Variants in CORO7 observed in about 807,000 individuals in gnomAD.
CORO7 encodes the protein coronin 7.
A neutral mutation model predicts 126.6 loss-of-function variants in CORO7; 107 were observed. The ratio of observed to expected loss-of-function variants is 0.85; its 90% CI spans 0.72 to 0.99. The LOEUF (loss-of-function observed/expected upper bound fraction) is 0.99, where lower values mean the gene tolerates loss of function less well. Among genes scored for constraint, CORO7 ranks in the 50% least tolerant of loss-of-function variants. The pLI, the probability that CORO7 is intolerant of heterozygous loss-of-function variation, is 0.00. For missense variants in CORO7, 1,314 were observed against 1,255.8 expected, an observed-to-expected ratio of 1.05 and a Z score of -0.70; for synonymous variants, 603 against 536.8, an observed-to-expected ratio of 1.12 and a Z score of -1.70.
chr16:4,364,391 G>T lies in CORO7; in HGVS notation c.1160C>A (p.Pro387His). 6.6e-7 allele frequency: 1 copy of T among 1,511,100 alleles called. No homozygotes were observed. 93.6% of individuals were successfully genotyped at this position (1,511,100 alleles called of 1,614,324 possible). ...NQQVQKVSLN[P>H]ACRPHPSFTS... The stretch of plus-strand genomic sequence containing the variant: ...GAAGCTCGGGTGGGGCCGGCAGGCG[G>T]GGTTGAGGCTGACCTTCTGCACCTG... The change falls in exon 14 of 28, where the codon CCC becomes CAC. Residue 387 changes from proline to histidine, a missense_variant. Coordinates refer to ENST00000251166, the MANE Select transcript of CORO7 (RefSeq NM_024535.5).
At position 4,358,407 on chromosome 16, in the gene CORO7, G is replaced by GACTGAC; in HGVS notation, c.2411_2416dup (p.Gln805_Ser806insCysGln). 1 of 1,612,592 alleles carries GACTGAC rather than the reference G, an allele frequency of 6.2e-7. No individual in the cohort carries two copies. Among genetic ancestry groups the GACTGAC allele is most frequent in the Non-Finnish European group, 8.5e-7 (1 of 1,179,750 alleles). On this transcript the variant is annotated inframe_insertion, in exon 24 of 28. Coordinates refer to ENST00000251166, the MANE Select transcript of CORO7 (RefSeq NM_024535.5). ...CCGGAAGGCCACAGGCTCCAGGGAG[G>GACTGAC]ACTGACGCAGCCGCAGGCACCGCAT...
intron 9 of CORO7, among the ~76,000 whole-genome samples, chr16:4,376,923 G>T: frequency 6.6e-6 from 1 of 152,306 alleles, no homozygotes; most frequent in African/African-American, 2.4e-5. Flanking sequence ...ACGCCCAGGG[G>T]GCAGGCAGAG....
At chr16:4,398,967 C>CAA (rs60502616) in intron 6 of CORO7, among the ~76,000 whole-genome samples, 45 of 62,032 alleles carry the variant, frequency 7.3e-4, no homozygotes, top group African/African-American at 1.6e-3. Context: ...GACTCCGTCT[C>CAA]AAAAAAAAAA....
chr16:4,382,864 C>G (rs568978968), intron 9 of CORO7: 4 of 1,567,928 alleles, frequency 2.6e-6, no homozygotes, highest in Admixed American at 3.8e-5. Flanking sequence ...AGGGCCTGGC[C>G]TCCAGTCACC....
At chr16:4,414,203 A>AG (rs1378149858) in intron 1 of CORO7, 1 of 152,046 alleles carries the variant, frequency 6.6e-6, no homozygotes, top group Non-Finnish European at 1.5e-5. Context: ...AAAAAAAAAA[A>AG]AAAAGAAAAT....
intron 5 of CORO7, 48 bp from the exon 6 acceptor site, chr16:4,405,615 G>C (rs770088743): frequency 6.3e-7 from 1 of 1,596,524 alleles, no homozygotes; most frequent in Non-Finnish European, 8.5e-7. Context: ...AGGGCACCAG[G>C]GAAGTGGGTG....
At chr16:4,412,630 G>C in intron 2 of CORO7, 200 bp from the exon 3 acceptor site, 1 of 591,756 alleles carries the variant, frequency 1.7e-6, no homozygotes, top group Non-Finnish European at 3.0e-6. Flanking sequence ...CCATGCCTCA[G>C]ATGGATACAG....
At chr16:4,359,136 C>A in intron 23 of CORO7, 160 bp downstream of exon 23, 10 of 749,294 alleles carry the variant, frequency 1.3e-5, no homozygotes, top group Non-Finnish European at 2.1e-5. Flanking sequence ...ATAATTCCAG[C>A]AGCAACTCTT....
At chr16:4,375,698 C>T (rs1308449981) in intron 9 of CORO7, among the ~76,000 whole-genome samples, 1 of 152,206 alleles carries the variant, frequency 6.6e-6, no homozygotes, top group Non-Finnish European at 1.5e-5. Flanking sequence ...CCATGTTAGC[C>T]AGGATGGTCT....
chr16:4,368,333 T>C (rs2054412197), intron 9 of CORO7, among the ~76,000 whole-genome samples: 1 of 151,402 alleles, frequency 6.6e-6, no homozygotes, highest in Non-Finnish European at 1.5e-5. Flanking sequence ...GGTGACAGAG[T>C]GAGACTCCAT....
rs568045086 is a variant in CORO7, at chr16:4,355,705, G to A, written c.2686-333C>T. The A allele has an allele frequency of 3.9e-5, 10 of 253,544 alleles. No individual in the cohort carries two copies. The East Asian group carries it at 6.7e-4, about 17-fold the overall frequency. The allele number at this position is 253,544 out of a possible 1,614,324, so 15.7% of individuals were successfully genotyped here. On this transcript the variant is annotated intron_variant, in intron 26 of 27. Coordinates refer to ENST00000251166, the MANE Select transcript of CORO7 (RefSeq NM_024535.5). ...AGGATGGTCTCGATCTCCTGACCTC[G>A]TGATCCGCCCGCCTCGGCCTCCCAC...
chr16:4,415,153 C>T (rs1019923744), intron 1 of CORO7, among the ~76,000 whole-genome samples: 1 of 152,070 alleles, frequency 6.6e-6, no homozygotes, highest in African/African-American at 2.4e-5. Context: ...GTATCCAGCC[C>T]CTCCCCCTAA....
chr16:4,407,427 A>T (rs2056041171), intron 5 of CORO7, 74 bp downstream of exon 5: 1 of 1,502,264 alleles, frequency 6.7e-7, no homozygotes, highest in Non-Finnish European at 9.0e-7. Flanking sequence ...ATGTGACTAA[A>T]CATGCCAACA....
chr16:4,364,060 C>T (rs2054269709), intron 14 of CORO7, among the ~76,000 whole-genome samples: 1 of 152,090 alleles, frequency 6.6e-6, no homozygotes, highest in Non-Finnish European at 1.5e-5. Context: ...GTGGCACATG[C>T]CTGTAATCCC....
At chr16:4,374,697 C>A (rs1325401062) in intron 9 of CORO7, among the ~76,000 whole-genome samples, 4 of 152,182 alleles carry the variant, frequency 2.6e-5, no homozygotes, top group Non-Finnish European at 5.9e-5. Context: ...GCCCATTGAT[C>A]AGCTCACAGA....
chr16:4,358,433 C>T lies in CORO7; in HGVS notation c.2391G>A (p.Leu797=), dbSNP rs371302490. 3.2e-5 allele frequency: 51 copies of T among 1,612,156 alleles called. No homozygotes were observed. In the African/African-American group the frequency reaches 6.5e-4, roughly 21 times the overall value. Residue 797 remains leucine (L), a synonymous_variant, in exon 24 of 28, where the codon CTG becomes CTA. Transcript: ENST00000251166. The part of the protein sequence containing the change: ...KTECDVREVE[L]MRCLRLRQSS... Reference sequence around the variant, plus strand: ...ACTGACGCAGCCGCAGGCACCGCATCAGCTCCACTTCCCGCACGTCGCACT... The same window carrying T: ...ACTGACGCAGCCGCAGGCACCGCATTAGCTCCACTTCCCGCACGTCGCACT...
At position 4,416,565 on chromosome 16, in the gene CORO7, G is replaced by C. The variant is rs562096366; in HGVS notation, c.-47C>G. On this transcript the variant is annotated 5_prime_UTR_variant, in exon 1 of 28. Coordinates refer to ENST00000251166, the MANE Select transcript of CORO7 (RefSeq NM_024535.5). The stretch of plus-strand genomic sequence containing the variant: ...CGCGTCTTCGAGGACCCCGGGCGTC[G>C]GGTCTCAGGTGCACGCTGAGCAACC... 9 of 1,566,796 alleles carry C rather than the reference G, an allele frequency of 5.7e-6. No individual in the cohort carries two copies. In the East Asian group the frequency reaches 1.6e-4, roughly 27 times the overall value.
intron 6 of CORO7, among the ~76,000 whole-genome samples, chr16:4,404,765 C>T (rs752904601): frequency 3.3e-5 from 5 of 152,146 alleles, no homozygotes; most frequent in Middle Eastern, 3.2e-3. Context: ...CCGCCACTCC[C>T]GGCAGAGAAC....
intron 9 of CORO7, among the ~76,000 whole-genome samples, chr16:4,366,791 C>T (rs1274976653): frequency 1.3e-5 from 2 of 152,170 alleles, no homozygotes; most frequent in Non-Finnish European, 2.9e-5. Flanking sequence ...GATACTCCCA[C>T]CTTAGCCTCC....
Sources: allele counts gnomAD v4.1 joint callset (sites outside exome capture counted in the v4.1 genomes callset), GRCh38; gene constraint gnomAD v4.1.1; transcripts MANE v1.5; gene names NCBI Gene and HGNC (gene_info 2026-07-23, HGNC 2026-07-21).